IPO8: variants seen among roughly 807,000 people sequenced by gnomAD.
IPO8 encodes the protein importin-8.
In IPO8, 65 loss-of-function variants were observed where a neutral mutation model predicts 141.2. The ratio of observed to expected loss-of-function variants is 0.46; its 90% CI spans 0.38 to 0.57. The LOEUF (loss-of-function observed/expected upper bound fraction) is 0.57, where lower values mean the gene tolerates loss of function less well. Ranked by LOEUF, IPO8 falls within the 20% of genes least tolerant of loss-of-function variation. The probability of loss-of-function intolerance (pLI) is 0.00; values close to 1 mark genes in which losing one functional copy is unlikely to be tolerated. For synonymous variants in IPO8, 411 were observed against 420.3 expected, an observed-to-expected ratio of 0.98 and a Z score of 0.27; for missense variants, 980 against 1,246.8, an observed-to-expected ratio of 0.79 and a Z score of 3.22.
intron 1 of IPO8, among the ~76,000 whole-genome samples, chr12:30,692,029 T>G (rs774881115): frequency 6.6e-6 from 1 of 152,228 alleles, no homozygotes; most frequent in African/African-American, 2.4e-5. Context: ...CAACCGTTGA[T>G]AGGAGGCAAA....
chr12:30,642,513 T>C (rs2052588279), intron 20 of IPO8, among the ~76,000 whole-genome samples: 1 of 152,034 alleles, frequency 6.6e-6, no homozygotes, highest in East Asian at 1.9e-4. Context: ...TGGCTCTATT[T>C]TGTAGAAACA....
rs1254899399 is a variant in IPO8 at position 30,634,262 on chromosome 12, T to C, written c.2720A>G (p.Glu907Gly). The C allele has an allele frequency of 1.2e-6, 2 of 1,613,580 alleles. No individual in the cohort carries two copies. Among genetic ancestry groups the C allele is most frequent in the Non-Finnish European group, 1.7e-6 (2 of 1,179,700 alleles). Residue 907 changes from glutamate to glycine, a missense_variant, in exon 23 of 25, where the codon GAG becomes GGG. This residue lies in a region of IPO8 where 924 missense variants were observed against 1,153.9 expected (regional missense o/e 0.80). Coordinates refer to ENST00000256079, the MANE Select transcript of IPO8 (RefSeq NM_006390.4). Reference protein sequence around the residue: ...ENEEISSDEEETNVTAQAMQS... With the variant: ...ENEEISSDEEGTNVTAQAMQS... ...CATTGCTTGAGCAGTTACATTTGTC[T>C]CCTCTTCATCACTTGAAATCTCCTC...
At position 30,680,481 on chromosome 12, in the gene IPO8, C is replaced by T. The variant is rs1173889040; in HGVS notation, c.639+1G>A. ...GTTTGTTTTCTGCAATAGAAACCTA[C>T]CTGAACAAGTGCATAAAAGATTTTC... On this transcript the variant is annotated splice_donor_variant, in intron 5 of 24. Coordinates refer to ENST00000256079, the MANE Select transcript of IPO8 (RefSeq NM_006390.4). LOFTEE classifies it high-confidence loss of function. 1 of 1,606,086 alleles carries T rather than the reference C, an allele frequency of 6.2e-7. No homozygotes were observed. The highest frequency in any genetic ancestry group is 1.7e-5 in the Admixed American group (1 of 59,166).
At chr12:30,656,577 TTCTC>T in intron 17 of IPO8, 103 bp downstream of exon 17, 2 of 585,138 alleles carry the variant, frequency 3.4e-6, no homozygotes, top group Non-Finnish European at 5.9e-6. Context: ...ATGCTTCTCT[TTCTC>T]AAAATTGTCC....
At chr12:30,660,971 G>A in intron 16 of IPO8, among the ~76,000 whole-genome samples, 170 bp downstream of exon 16, 1 of 82,470 alleles carries the variant, frequency 1.2e-5, no homozygotes. Flanking sequence ...ATATTATAAT[G>A]TTACTCAGTC....
chr12:30,688,274 T>C (rs1403869711), intron 2 of IPO8: 1 of 257,564 alleles, frequency 3.9e-6, no homozygotes, highest in Non-Finnish European at 7.8e-6. Context: ...AACATTCAAA[T>C]TTTTTTGTTT....
chr12:30,664,268 C>T (rs1488264422), intron 13 of IPO8, among the ~76,000 whole-genome samples: 1 of 152,174 alleles, frequency 6.6e-6, no homozygotes, highest in Non-Finnish European at 1.5e-5. Flanking sequence ...TAAAAATGCT[C>T]ATGTGCCCTC....
At position 30,629,961 on chromosome 12, in the gene IPO8, A is replaced by C. The variant is rs994673833; in HGVS notation, c.*899T>G. Reference sequence around the variant, plus strand: ...ATCCAGAAAGACAGTGTGCTTACGTAGCACCTGTCTCTTAGAAGTTCAATG... The same window carrying C: ...ATCCAGAAAGACAGTGTGCTTACGTCGCACCTGTCTCTTAGAAGTTCAATG... On this transcript the variant is annotated 3_prime_UTR_variant, in exon 25 of 25. Coordinates refer to ENST00000256079, the MANE Select transcript of IPO8 (RefSeq NM_006390.4). The C allele has an allele frequency of 6.6e-6, 1 of 152,242 alleles. No homozygotes were observed. Among genetic ancestry groups the C allele is most frequent in the East Asian group, 1.9e-4 (1 of 5,200 alleles). 9.4% of individuals were successfully genotyped at this position (152,242 alleles called of 1,614,324 possible). A position where few individuals can be genotyped will look rare whatever the true frequency, so the allele number is the denominator to read the frequency against.
At position 30,680,636 on chromosome 12, in the gene IPO8, T is replaced by G; in HGVS notation, c.485A>C (p.Tyr162Ser). ...AGGTTCTCTCTCTTCTGCTTTCTTA[T>G]ATCTACATGAGCAAAGACAAAAACA... is the stretch of plus-strand genomic sequence containing the variant. ...CLYQLVKTYE[Y>S]KKAEEREPLI... Residue 162 changes from tyrosine (Y) to serine (S), a missense_variant and splice_region_variant, in exon 5 of 25, where the codon TAT (tyrosine) becomes TCT (serine). By Grantham distance (144) the Tyr-to-Ser change is moderately radical (BLOSUM62 -2). This residue lies in a region of IPO8 where 924 missense variants were observed against 1,153.9 expected (regional missense o/e 0.80). Coordinates refer to ENST00000256079, the MANE Select transcript of IPO8 (RefSeq NM_006390.4). 6.2e-7 allele frequency: 1 copy of G among 1,606,664 alleles called. No homozygotes were observed.
intron 23 of IPO8, among the ~76,000 whole-genome samples, chr12:30,633,799 A>G (rs2052465349): frequency 1.3e-5 from 2 of 152,338 alleles, no homozygotes; most frequent in South Asian, 4.1e-4. Context: ...TAAAGGATGA[A>G]CAATATACAC....
intron 16 of IPO8, among the ~76,000 whole-genome samples, chr12:30,660,768 C>T (rs2052873491): frequency 6.6e-6 from 1 of 152,118 alleles, no homozygotes. Flanking sequence ...GAACTGCTGT[C>T]TGTCACTCTC....
intron 24 of IPO8, among the ~76,000 whole-genome samples, chr12:30,631,325 TC>T (rs1452159975): frequency 1.3e-5 from 2 of 152,200 alleles, no homozygotes; most frequent in Non-Finnish European, 2.9e-5. Context: ...CATTCTAAAC[TC>T]TAGATGTCTA....
At chr12:30,648,775 A>G (rs1040023236) in intron 20 of IPO8, among the ~76,000 whole-genome samples, 1 of 152,122 alleles carries the variant, frequency 6.6e-6, no homozygotes, top group African/African-American at 2.4e-5. Flanking sequence ...ATTTTTTTCT[A>G]TAGTACCTTA....
intron 5 of IPO8, among the ~76,000 whole-genome samples, chr12:30,678,931 C>T (rs2053156220): frequency 6.6e-6 from 1 of 152,194 alleles, no homozygotes. Flanking sequence ...CCTCCGCCTC[C>T]TGGGTTTGAG....
intron 2 of IPO8, 145 bp from the exon 3 acceptor site, chr12:30,684,602 T>G: frequency 3.0e-6 from 2 of 659,842 alleles, no homozygotes; most frequent in East Asian, 5.4e-5. Context: ...AACAGCCAAA[T>G]CAGGAAGGGA....
At chr12:30,630,978 A>G in intron 24 of IPO8, 21 bp from the exon 25 acceptor site, 1 of 1,583,568 alleles carries the variant, frequency 6.3e-7, no homozygotes. Context: ...TCAAAAGAAA[A>G]GGGGAGAAGA....
At chr12:30,673,905 T>G (rs1280038278) in intron 8 of IPO8, 85 bp downstream of exon 8, 1 of 726,252 alleles carries the variant, frequency 1.4e-6, no homozygotes, top group Non-Finnish European at 2.3e-6. Flanking sequence ...TGAATTAGTA[T>G]GTTTGTAACC....
At chr12:30,684,534 C>T (rs2053221198) in intron 2 of IPO8, 77 bp from the exon 3 acceptor site, 1 of 1,401,350 alleles carries the variant, frequency 7.1e-7, no homozygotes, top group Non-Finnish European at 9.9e-7. Flanking sequence ...GCATGAAAGT[C>T]CAAACCCTTC....
rs1189996372 is a variant in IPO8, at chr12:30,684,475, T to C, written c.167-18A>G. ...AATGGCAGCTGAGTTTGAGAAAAAATGCTAATGTAGCAGTACCAAAAAGGA... is the reference window on the plus strand; with the variant it reads ...AATGGCAGCTGAGTTTGAGAAAAAACGCTAATGTAGCAGTACCAAAAAGGA... On this transcript the variant is annotated intron_variant, in intron 2 of 24. Coordinates refer to ENST00000256079, the MANE Select transcript of IPO8 (RefSeq NM_006390.4). The C allele has an allele frequency of 1.2e-6, 2 of 1,613,080 alleles. No individual in the cohort carries two copies. The highest frequency in any genetic ancestry group is 1.7e-6 in the Non-Finnish European group (2 of 1,179,348).
Sources: allele counts gnomAD v4.1 joint callset (sites outside exome capture counted in the v4.1 genomes callset), GRCh38; gene constraint gnomAD v4.1.1; regional missense constraint gnomAD v4.1.1; transcripts MANE v1.5; gene names NCBI Gene and HGNC (gene_info 2026-07-23, HGNC 2026-07-21).